CHCHD3: variants seen among roughly 807,000 people sequenced by gnomAD.
The protein encoded by CHCHD3 is MICOS complex subunit MIC19.
In CHCHD3, 20 loss-of-function variants were observed where a neutral mutation model predicts 38.2. The ratio of observed to expected loss-of-function variants is 0.52; its 90% CI spans 0.37 to 0.76. The LOEUF (loss-of-function observed/expected upper bound fraction) is 0.76, where lower values mean the gene tolerates loss of function less well. Among genes scored for constraint, CHCHD3 ranks in the 30% least tolerant of loss-of-function variants. The pLI, the probability that CHCHD3 is intolerant of heterozygous loss-of-function variation, is 0.00. For missense variants in CHCHD3, 245 were observed against 279.2 expected, an observed-to-expected ratio of 0.88 and a Z score of 0.87; for synonymous variants, 82 against 100.0, an observed-to-expected ratio of 0.82 and a Z score of 1.07.
chr7:132,801,519 TG>T (rs1348914430), intron 6 of CHCHD3, among the ~76,000 whole-genome samples: 1 of 152,214 alleles, frequency 6.6e-6, no homozygotes, highest in Non-Finnish European at 1.5e-5. Context: ...ACTAACATGA[TG>T]AATGTTAACT....
At chr7:132,996,993 C>T (rs1812437407) in intron 3 of CHCHD3, among the ~76,000 whole-genome samples, 1 of 152,222 alleles carries the variant, frequency 6.6e-6, no homozygotes. Flanking sequence ...ACGATGTTAA[C>T]AACCATTTCT....
intron 4 of CHCHD3, among the ~76,000 whole-genome samples, chr7:132,894,378 A>T (rs978314360): frequency 6.6e-6 from 1 of 152,186 alleles, no homozygotes; most frequent in African/African-American, 2.4e-5. Context: ...CTTCGGAATC[A>T]CCACATCACC....
At chr7:133,018,064 G>C (rs1293646718) in intron 3 of CHCHD3, among the ~76,000 whole-genome samples, 1 of 152,076 alleles carries the variant, frequency 6.6e-6, no homozygotes, top group Non-Finnish European at 1.5e-5. Flanking sequence ...GGAAAAGTAT[G>C]AGTATAAAAC....
chr7:132,804,358 A>T (rs893166096), intron 6 of CHCHD3, among the ~76,000 whole-genome samples: 6 of 152,170 alleles, frequency 3.9e-5, no homozygotes, highest in African/African-American at 1.4e-4. Context: ...GCACACATTC[A>T]TGCGGAGCTT....
chr7:132,848,034 C>T (rs1380219475), intron 5 of CHCHD3, among the ~76,000 whole-genome samples: 2 of 152,166 alleles, frequency 1.3e-5, no homozygotes. Flanking sequence ...ATCCTTAGCA[C>T]CAAGAGAATG....
At chr7:132,894,754 A>T (rs1469970423) in intron 4 of CHCHD3, among the ~76,000 whole-genome samples, 2 of 152,232 alleles carry the variant, frequency 1.3e-5, no homozygotes, top group African/African-American at 4.8e-5. Flanking sequence ...GCTTCTGGGA[A>T]GGAAATCTGT....
intron 4 of CHCHD3, among the ~76,000 whole-genome samples, chr7:132,965,302 A>T (rs939441962): frequency 6.6e-6 from 1 of 152,316 alleles, no homozygotes; most frequent in Middle Eastern, 3.4e-3. Flanking sequence ...AGAAGATCAG[A>T]GTTGTAACCC....
At chr7:132,817,771 C>T (rs1807236547) in intron 6 of CHCHD3, among the ~76,000 whole-genome samples, 1 of 151,940 alleles carries the variant, frequency 6.6e-6, no homozygotes, top group African/African-American at 2.4e-5. Context: ...ACAGGAGGAT[C>T]ACTTGACCCA....
chr7:133,048,003 C>G (rs1178649886), intron 2 of CHCHD3, among the ~76,000 whole-genome samples: 1 of 152,152 alleles, frequency 6.6e-6, no homozygotes, highest in African/African-American at 2.4e-5. Flanking sequence ...GCAGGAGAAT[C>G]GCTTGAATGC....
intron 7 of CHCHD3, 124 bp from the exon 8 acceptor site, chr7:132,785,784 G>C (rs2117013236): frequency 2.0e-6 from 2 of 993,374 alleles, no homozygotes; most frequent in East Asian, 4.8e-5. Context: ...CAGAAAACAA[G>C]GCATATGCTT....
intron 3 of CHCHD3, among the ~76,000 whole-genome samples, chr7:133,000,008 T>C (rs939089479): frequency 4.6e-5 from 7 of 152,198 alleles, no homozygotes; most frequent in Non-Finnish European, 1.0e-4. Context: ...CATTATATAA[T>C]GCTACTAAAT....
At chr7:132,857,295 A>G (rs1808365061) in intron 5 of CHCHD3, among the ~76,000 whole-genome samples, 1 of 152,180 alleles carries the variant, frequency 6.6e-6, no homozygotes, top group Non-Finnish European at 1.5e-5. Flanking sequence ...CAGGTCATCA[A>G]ATCCTTTCCC....
At chr7:133,072,994 C>T (rs189583858) in intron 1 of CHCHD3, among the ~76,000 whole-genome samples, 64 of 152,226 alleles carry the variant, frequency 4.2e-4, no homozygotes, top group Admixed American at 7.2e-4. Flanking sequence ...ATTTCCACTT[C>T]CTGAACTCAC....
At chr7:133,040,677 G>A (rs1813809161) in intron 2 of CHCHD3, among the ~76,000 whole-genome samples, 2 of 151,992 alleles carry the variant, frequency 1.3e-5, no homozygotes, top group Admixed American at 6.5e-5. Flanking sequence ...TTACTTCCTC[G>A]GATTCACTCT....
rs370313973 is a variant in CHCHD3 at position 132,902,481 on chromosome 7, C to T, written c.370-16736G>A. On this transcript the variant is annotated intron_variant, in intron 4 of 7. Coordinates refer to ENST00000262570, the MANE Select transcript of CHCHD3 (RefSeq NM_017812.4). The stretch of plus-strand genomic sequence containing the variant: ...GGCATATATACACCATGGAATACTA[C>T]GCAGCCATAAAAAATGATGAGTTCA... Among the ~76,000 whole-genome samples, 12 of 152,114 alleles carry T rather than the reference C, an allele frequency of 7.9e-5. No individual in the cohort carries two copies. The East Asian group carries it at 1.3e-3, about 17-fold the overall frequency.
At chr7:133,067,248 CT>C (rs1814695275) in intron 2 of CHCHD3, among the ~76,000 whole-genome samples, 2 of 151,768 alleles carry the variant, frequency 1.3e-5, no homozygotes, top group East Asian at 3.9e-4. Context: ...GATCATCACG[CT>C]AACTCCGTAA....
chr7:132,962,430 G>A (rs893654967), intron 4 of CHCHD3, among the ~76,000 whole-genome samples: 1 of 152,072 alleles, frequency 6.6e-6, no homozygotes, highest in Non-Finnish European at 1.5e-5. Context: ...TTAAAAAGAC[G>A]GAAACAAAGG....
At chr7:132,794,678 GA>G (rs1367254144) in intron 7 of CHCHD3, among the ~76,000 whole-genome samples, 1 of 152,070 alleles carries the variant, frequency 6.6e-6, no homozygotes, top group Non-Finnish European at 1.5e-5. Context: ...GAGTGAGGGG[GA>G]AAAAAGAGGG....
At chr7:133,076,415 A>G (rs1814992561) in intron 1 of CHCHD3, among the ~76,000 whole-genome samples, 1 of 152,204 alleles carries the variant, frequency 6.6e-6, no homozygotes, top group Non-Finnish European at 1.5e-5. Flanking sequence ...CTATGAACTA[A>G]AAGAGCCACC....
Sources: gnomAD v4.1 joint callset for allele counts (sites outside exome capture counted in the v4.1 genomes callset) on GRCh38, gnomAD v4.1.1 for gene constraint, MANE v1.5 for transcripts, NCBI Gene and HGNC (gene_info 2026-07-23, HGNC 2026-07-21) for gene names.